The following PLCL1 variants were observed in gnomAD, a reference collection of about 807,000 sequenced individuals.
The protein encoded by PLCL1 is phospholipase C like 1 (inactive), also known as inactive phospholipase C-like protein 1.
In PLCL1, 41 loss-of-function variants were observed where a neutral mutation model predicts 84.4. The observed-to-expected ratio is 0.49, with a 90% CI of 0.38 to 0.63. The LOEUF (loss-of-function observed/expected upper bound fraction) is 0.63. Among genes scored for constraint, PLCL1 ranks in the 30% least tolerant of loss-of-function variants. PLCL1 has a pLI of 0.00. For synonymous variants in PLCL1, 490 were observed against 488.3 expected, an observed-to-expected ratio of 1.00 and a Z score of -0.05; for missense variants, 1,206 against 1,367.8, an observed-to-expected ratio of 0.88 and a Z score of 1.87.
intron 1 of PLCL1, among the ~76,000 whole-genome samples, chr2:197,906,631 G>A (rs954109185): frequency 1.3e-5 from 2 of 152,074 alleles, no homozygotes; most frequent in African/African-American, 4.8e-5. Context: ...GAATAGCATC[G>A]AATCTATAAA....
intron 1 of PLCL1, among the ~76,000 whole-genome samples, chr2:197,854,430 A>G (rs953768412): frequency 2.6e-5 from 4 of 152,164 alleles, no homozygotes; most frequent in African/African-American, 4.8e-5. Context: ...TTCGTCTTAA[A>G]TTACATTACA....
chr2:197,909,905 G>C (rs996118661), intron 1 of PLCL1, among the ~76,000 whole-genome samples: 4 of 152,154 alleles, frequency 2.6e-5, no homozygotes, highest in Non-Finnish European at 4.4e-5. Flanking sequence ...AGCTCTCTTT[G>C]AATCTCTCCT....
chr2:197,929,021 C>A (rs1227908594), intron 1 of PLCL1, among the ~76,000 whole-genome samples: 2 of 152,092 alleles, frequency 1.3e-5, no homozygotes, highest in Non-Finnish European at 2.9e-5. Context: ...AACATTTTAG[C>A]ATTGGCATGT....
intron 5 of PLCL1, among the ~76,000 whole-genome samples, chr2:198,117,978 A>G (rs1317045241): frequency 2.6e-5 from 4 of 151,866 alleles, no homozygotes; most frequent in South Asian, 2.1e-4. Context: ...GTGTGCTTGT[A>G]TATGTGTTAT....
intron 1 of PLCL1, among the ~76,000 whole-genome samples, chr2:197,866,531 C>T (rs1225095114): frequency 6.6e-6 from 1 of 152,094 alleles, no homozygotes; most frequent in Non-Finnish European, 1.5e-5. Context: ...CTACTGTCAG[C>T]ACCTGCATCT....
intron 5 of PLCL1, among the ~76,000 whole-genome samples, chr2:198,144,746 A>G (rs1009149840): frequency 2.0e-5 from 3 of 152,108 alleles, no homozygotes; most frequent in Non-Finnish European, 2.9e-5. Flanking sequence ...TCTGGATGCT[A>G]TCTCTAAATT....
intron 1 of PLCL1, among the ~76,000 whole-genome samples, chr2:197,845,917 T>A (rs1262652503): frequency 6.6e-6 from 1 of 152,096 alleles, no homozygotes; most frequent in Non-Finnish European, 1.5e-5. Context: ...CTAAGTGCCA[T>A]AGCCAAAAGA....
At position 198,086,370 on chromosome 2, in the gene PLCL1, C is replaced by T. The variant is rs1692881181; in HGVS notation, c.2715+138C>T. On this transcript the variant is annotated intron_variant, in intron 2 of 5. Coordinates refer to ENST00000428675, the MANE Select transcript of PLCL1 (RefSeq NM_006226.4). ...GTGTGGTGACTCATTCCTGTAATCC[C>T]AGCACTTTGGGAGGCTGAGGCAGGT... is the stretch of plus-strand genomic sequence containing the variant. 46 of 654,278 alleles carry T rather than the reference C, an allele frequency of 7.0e-5. No individual in the cohort carries two copies. The South Asian group carries it at 9.3e-4, about 13-fold the overall frequency. The allele number at this position is 654,278 out of a possible 1,614,324, so 40.5% of individuals were successfully genotyped here.
At chr2:198,078,300 G>A (rs2105891302) in intron 1 of PLCL1, among the ~76,000 whole-genome samples, 1 of 152,214 alleles carries the variant, frequency 6.6e-6, no homozygotes, top group African/African-American at 2.4e-5. Context: ...CAGTATCCAA[G>A]GTTGGAGTTA....
chr2:197,836,097 A>G lies in PLCL1; in HGVS notation c.240+30758A>G, dbSNP rs1376008536. Among the ~76,000 whole-genome samples, 5 of 152,344 alleles carry G rather than the reference A, an allele frequency of 3.3e-5. No individual in the cohort carries two copies. In the East Asian group the frequency reaches 7.7e-4, roughly 23 times the overall value. ...TTTTTGGCTGTTGCCAGTAGAAAGC[A>G]AAGTAATGATTTAACTCATGAATTT... On this transcript the variant is annotated intron_variant, in intron 1 of 5. Coordinates refer to ENST00000428675, the MANE Select transcript of PLCL1 (RefSeq NM_006226.4).
At chr2:198,006,867 T>C (rs2105825952) in intron 1 of PLCL1, among the ~76,000 whole-genome samples, 1 of 152,310 alleles carries the variant, frequency 6.6e-6, no homozygotes, top group East Asian at 1.9e-4. Flanking sequence ...GCCCAAAACC[T>C]TTTACCAGTT....
At chr2:198,142,629 G>C (rs970343148) in intron 5 of PLCL1, among the ~76,000 whole-genome samples, 1 of 152,080 alleles carries the variant, frequency 6.6e-6, no homozygotes, top group African/African-American at 2.4e-5. Flanking sequence ...CTTTCTAAAT[G>C]TGTTGGACCT....
At chr2:198,052,539 C>A (rs57265854) in intron 1 of PLCL1, among the ~76,000 whole-genome samples, 27,009 of 150,078 alleles carry the variant, frequency 0.18, 2,423 homozygotes, top group East Asian at 0.26. Context: ...AAAAAAAAAA[C>A]CATTACCTTA....
Position 197,923,188 on chromosome 2 carries a change from C to T in PLCL1, c.240+117849C>T, listed in dbSNP as rs1193891693. Among the ~76,000 whole-genome samples, 780 of 141,810 alleles carry T rather than the reference C, an allele frequency of 5.5e-3. 1 individual carries two copies. Among genetic ancestry groups the T allele is most frequent in the Non-Finnish European group, 9.2e-3 (591 of 64,372 alleles). The allele number at this position is 141,810 out of a possible 152,430, so 93.0% of individuals were successfully genotyped here. A position where few individuals can be genotyped will look rare whatever the true frequency, so the allele number is the denominator to read the frequency against. On this transcript the variant is annotated intron_variant, in intron 1 of 5. Transcript: ENST00000428675. ...GGCGCCCCTCACCTCCCGGACGGGG[C>T]GGCTGGCCGGGCGGGGGGCTGACCC...
At chr2:198,091,972 A>AC (rs11393208) in intron 3 of PLCL1, among the ~76,000 whole-genome samples, 65,408 of 150,762 alleles carry the variant, frequency 0.43, 15,641 homozygotes, top group African/African-American at 0.64. Context: ...CTCCAGCCTC[A>AC]CTGCCTCTCC....
At chr2:197,816,586 A>G (rs976914010) in intron 1 of PLCL1, among the ~76,000 whole-genome samples, 25 of 152,172 alleles carry the variant, frequency 1.6e-4, no homozygotes, top group African/African-American at 5.1e-4. Context: ...GGTATAAATT[A>G]TATAGGCTAA....
intron 3 of PLCL1, among the ~76,000 whole-genome samples, chr2:198,089,726 A>G (rs1692972459): frequency 6.6e-6 from 1 of 152,232 alleles, no homozygotes; most frequent in South Asian, 2.1e-4. Flanking sequence ...CTCTTCTGTT[A>G]CTAGGAAATA....
rs999691339 is a variant in PLCL1 at position 197,827,221 on chromosome 2, A to G, written c.240+21882A>G. Among the ~76,000 whole-genome samples, 7 of 152,116 alleles carry G rather than the reference A, an allele frequency of 4.6e-5. No individual in the cohort carries two copies. In the East Asian group the frequency reaches 1.3e-3, roughly 29 times the overall value. ...GTTTTTGATGACTTCTCATTGTCCT[A>G]GGAATAATGTGCAAATCCCTTTACG... On this transcript the variant is annotated intron_variant, in intron 1 of 5. Coordinates refer to ENST00000428675, the MANE Select transcript of PLCL1 (RefSeq NM_006226.4).
At chr2:197,964,282 G>A (rs780135597) in intron 1 of PLCL1, among the ~76,000 whole-genome samples, 2 of 152,004 alleles carry the variant, frequency 1.3e-5, no homozygotes, top group Admixed American at 6.6e-5. Flanking sequence ...TTTCATAAAT[G>A]TTGTATAGTT....
Sources: gnomAD v4.1 joint callset for allele counts (sites outside exome capture counted in the v4.1 genomes callset) on GRCh38, gnomAD v4.1.1 for gene constraint, MANE v1.5 for transcripts, NCBI Gene and HGNC (gene_info 2026-07-23, HGNC 2026-07-21) for gene names.